WWOX: variants seen among roughly 807,000 people sequenced by gnomAD.
The protein encoded by WWOX is WW domain containing oxidoreductase, also known as WW domain-containing oxidoreductase.
Under a neutral mutation model 46.2 loss-of-function variants are expected in WWOX, and 69 were observed. The observed-to-expected ratio is 1.49, with a 90% CI of 1.23 to 1.82. The LOEUF is 1.82. Among genes scored for constraint, WWOX ranks in the 40% most tolerant of loss-of-function variants. The pLI is 0.00. For missense variants in WWOX, 919 were observed against 542.6 expected (o/e 1.69, Z -6.89); for synonymous variants, 359 against 202.6 (o/e 1.77, Z -6.56).
intron 8 of WWOX, among the ~76,000 whole-genome samples, chr16:79,193,642 C>T (rs893040170): frequency 3.3e-5 from 5 of 152,180 alleles, no homozygotes; most frequent in Non-Finnish European, 1.5e-5. Flanking sequence ...TTGACCCTCG[C>T]ACATCTTTTC....
chr16:78,099,731 G>A lies in WWOX; in HGVS notation c.-48G>A, dbSNP rs1283407825. The A allele has an allele frequency of 6.6e-7, 1 of 1,511,144 alleles. No individual in the cohort carries two copies. Among genetic ancestry groups the A allele is most frequent in the Non-Finnish European group, 8.8e-7 (1 of 1,130,288 alleles). The allele number at this position is 1,511,144 out of a possible 1,614,324, so 93.6% of individuals were successfully genotyped here. ...AGCGGGAGTGAGTTCCTGAGCGAGT[G>A]GACCCGGCAGCGGGCGATAGGGGGG... On this transcript the variant is annotated 5_prime_UTR_variant, in exon 1 of 9. Transcript: ENST00000566780.
intron 6 of WWOX, 150 bp from the exon 7 acceptor site, chr16:78,424,720 G>T (rs6564553): frequency 1.1e-6 from 1 of 924,998 alleles, no homozygotes; most frequent in East Asian, 2.4e-5. Context: ...GAATCTAGAA[G>T]ACGGAGAAAG....
rs552751219 is a variant in WWOX at position 78,607,214 on chromosome 16, CATT to C, written c.1056+174464_1056+174466del. ...AATACTTCATATTTTATTATAAAAA[CATT>C]AATTACTTTAATAAAGCGGTTTATA... On this transcript the variant is annotated intron_variant, in intron 8 of 8. Transcript: ENST00000566780. Among the ~76,000 whole-genome samples, 532 of 152,086 alleles carry C rather than the reference CATT, an allele frequency of 3.5e-3. 1 individual carries two copies. Among genetic ancestry groups the C allele is most frequent in the Non-Finnish European group, 6.1e-3 (417 of 67,956 alleles).
intron 8 of WWOX, among the ~76,000 whole-genome samples, chr16:79,181,408 A>T (rs1403125169): frequency 1.3e-5 from 2 of 152,198 alleles, no homozygotes; most frequent in African/African-American, 4.8e-5. Flanking sequence ...ATACTACAGC[A>T]ATATATGTTA....
chr16:78,420,902 C>T (rs1283419038), intron 6 of WWOX, among the ~76,000 whole-genome samples: 3 of 152,018 alleles, frequency 2.0e-5, no homozygotes, highest in South Asian at 2.1e-4. Context: ...GAAATCTTTT[C>T]GTGGGGTATG....
At chr16:78,372,690 G>A (rs1280294366) in intron 5 of WWOX, among the ~76,000 whole-genome samples, 1 of 152,064 alleles carries the variant, frequency 6.6e-6, no homozygotes, top group Non-Finnish European at 1.5e-5. Flanking sequence ...TTTGTTTTTA[G>A]CAGTTATAGG....
rs1488400250 is a variant in WWOX at position 78,370,793 on chromosome 16, G to C, written c.517-16067G>C. Among the ~76,000 whole-genome samples the C allele has an allele frequency of 2.0e-4, 29 of 147,248 alleles. 1 individual carries two copies. In the South Asian group the frequency reaches 3.9e-3, roughly 20 times the overall value. On this transcript the variant is annotated intron_variant, in intron 5 of 8. Transcript: ENST00000566780. ...AACTTTTTTTCTTTTTTTTTTGGGG[G>C]GGGGGGGGCAATGCATTCTTAACCC... is the stretch of plus-strand genomic sequence containing the variant.
At chr16:79,149,234 TTGAAAA>T (rs1395182123) in intron 8 of WWOX, among the ~76,000 whole-genome samples, 1 of 152,216 alleles carries the variant, frequency 6.6e-6, no homozygotes, top group Non-Finnish European at 1.5e-5. Flanking sequence ...TAAGAAACTT[TTGAAAA>T]TGATAATGGG....
intron 8 of WWOX, among the ~76,000 whole-genome samples, chr16:78,813,507 T>G (rs1056447564): frequency 6.6e-6 from 1 of 152,160 alleles, no homozygotes; most frequent in African/African-American, 2.4e-5. Context: ...TAGAGAGATA[T>G]ATAATGATGC....
intron 8 of WWOX, among the ~76,000 whole-genome samples, chr16:78,841,903 A>C (rs1419005156): frequency 6.6e-6 from 1 of 152,158 alleles, no homozygotes; most frequent in East Asian, 1.9e-4. Context: ...GAGGGTCTCG[A>C]TTATTGGGCT....
intron 8 of WWOX, among the ~76,000 whole-genome samples, chr16:78,924,099 G>A (rs1202292818): frequency 2.0e-5 from 3 of 152,062 alleles, no homozygotes; most frequent in South Asian, 2.1e-4. Flanking sequence ...TTACAGACAT[G>A]AGCCGCTGTG....
At chr16:78,352,367 C>T (rs2081203370) in intron 5 of WWOX, among the ~76,000 whole-genome samples, 1 of 152,194 alleles carries the variant, frequency 6.6e-6, no homozygotes, top group Non-Finnish European at 1.5e-5. Flanking sequence ...TCTCAGTGGG[C>T]TAAAATCGAT....
chr16:78,927,622 T>C (rs2045528559), intron 8 of WWOX, among the ~76,000 whole-genome samples: 1 of 152,208 alleles, frequency 6.6e-6, no homozygotes, highest in Non-Finnish European at 1.5e-5. Context: ...TTTGCAGTTG[T>C]ATTTTCCTTT....
intron 8 of WWOX, among the ~76,000 whole-genome samples, chr16:79,056,518 C>G (rs1159988187): frequency 6.6e-6 from 1 of 152,172 alleles, no homozygotes; most frequent in Non-Finnish European, 1.5e-5. Flanking sequence ...CAGGGTTTCT[C>G]AAGCTTTGGC....
chr16:78,818,290 A>T lies in WWOX; in HGVS notation c.1056+385538A>T, dbSNP rs142357085. Among the ~76,000 whole-genome samples the T allele has an allele frequency of 3.7e-3, 571 of 152,294 alleles. 3 individuals are homozygous for T. Among genetic ancestry groups the T allele is most frequent in the African/African-American group, 0.013 (538 of 41,570 alleles). On this transcript the variant is annotated intron_variant, in intron 8 of 8. Coordinates refer to ENST00000566780, the MANE Select transcript of WWOX (RefSeq NM_016373.4). ...GCCCATCTACTTTCCAGTGTGGACA[A>T]GTTCCAGCTCCTGCCCCAGCCCTGC...
intron 8 of WWOX, among the ~76,000 whole-genome samples, chr16:79,183,701 C>T (rs2050957517): frequency 6.6e-6 from 1 of 152,188 alleles, no homozygotes; most frequent in Non-Finnish European, 1.5e-5. Context: ...ATTTAATACC[C>T]ATTACCTACG....
chr16:78,845,223 C>A (rs1037206275), intron 8 of WWOX, among the ~76,000 whole-genome samples: 6 of 147,784 alleles, frequency 4.1e-5, no homozygotes, highest in Non-Finnish European at 7.4e-5. Context: ...TGAAAAAATA[C>A]TGCCTATTAG....
intron 8 of WWOX, among the ~76,000 whole-genome samples, chr16:78,912,992 T>C (rs1270294158): frequency 1.3e-5 from 2 of 152,010 alleles, no homozygotes; most frequent in East Asian, 1.9e-4. Context: ...CCCAGAAGGA[T>C]GATTAGCCTT....
Position 79,119,395 on chromosome 16 carries a change from A to G in WWOX, c.1057-92213A>G, listed in dbSNP as rs372638825. ...CAAGTGGATACTTAAGAAAAAGTGTATTTTGGAGAAAGTTGCAATAATACC... is the reference window on the plus strand; with the variant it reads ...CAAGTGGATACTTAAGAAAAAGTGTGTTTTGGAGAAAGTTGCAATAATACC... On this transcript the variant is annotated intron_variant, in intron 8 of 8. Coordinates refer to ENST00000566780, the MANE Select transcript of WWOX (RefSeq NM_016373.4). 1.3e-4 allele frequency among the ~76,000 whole-genome samples: 20 copies of G among 152,348 alleles called. No individual in the cohort carries two copies. The East Asian group carries it at 3.3e-3, about 25-fold the overall frequency.
Sources: gnomAD v4.1 joint callset for allele counts (sites outside exome capture counted in the v4.1 genomes callset) on GRCh38, gnomAD v4.1.1 for gene constraint, MANE v1.5 for transcripts, NCBI Gene and HGNC (gene_info 2026-07-23, HGNC 2026-07-21) for gene names.